SDK1: variants seen among roughly 807,000 people sequenced by gnomAD.
SDK1 encodes the protein sidekick cell adhesion molecule 1, also known as protein sidekick-1.
In SDK1, 157 loss-of-function variants were observed where a neutral mutation model predicts 245.5. That is an observed-to-expected ratio of 0.64 (90% CI 0.56 to 0.73). SDK1 has a LOEUF of 0.73. Ranked by LOEUF, SDK1 falls within the 30% of genes least tolerant of loss-of-function variation. The probability of loss-of-function intolerance (pLI) is 0.00; values close to 1 mark genes in which losing one functional copy is unlikely to be tolerated. For missense variants in SDK1, 3,583 were observed against 3,002.3 expected, an observed-to-expected ratio of 1.19 and a Z score of -4.52; for synonymous variants, 1,647 against 1,278.5, an observed-to-expected ratio of 1.29 and a Z score of -6.15.
At chr7:3,900,071 G>C (rs1334288434) in intron 5 of SDK1, among the ~76,000 whole-genome samples, 1 of 152,220 alleles carries the variant, frequency 6.6e-6, no homozygotes, top group Non-Finnish European at 1.5e-5. Flanking sequence ...ACATTTTAAA[G>C]AGAAAGCAGT....
chr7:3,602,942 C>A (rs888226030), intron 1 of SDK1, among the ~76,000 whole-genome samples: 32 of 152,126 alleles, frequency 2.1e-4, no homozygotes, highest in Non-Finnish European at 3.4e-4. Context: ...GGAATCCTTT[C>A]CCCATTGCTT....
Position 3,950,978 on chromosome 7 carries a change from C to T in SDK1, c.903C>T (p.Asn301=), listed in dbSNP as rs1035542917. 2.5e-6 allele frequency: 4 copies of T among 1,613,914 alleles called. No homozygotes were observed. In the African/African-American group the frequency reaches 4.0e-5, roughly 16 times the overall value. The change falls in exon 6 of 45, where the codon AAC becomes AAT. Residue 301 remains asparagine, a synonymous_variant. Coordinates refer to ENST00000404826, the MANE Select transcript of SDK1 (RefSeq NM_152744.4). ...CAACCATTGTGGTTCCCCCGGGCAA[C>T]AGAAGTGTGGTGGCTGGATCCAGTG... ...MAPTIVVPPG[N]RSVVAGSSET...
At chr7:3,972,413 T>C (rs1257580295) in intron 12 of SDK1, among the ~76,000 whole-genome samples, 1 of 152,116 alleles carries the variant, frequency 6.6e-6, no homozygotes, top group Non-Finnish European at 1.5e-5. Context: ...CATCCTGTCT[T>C]TGTTTAAATT....
intron 5 of SDK1, among the ~76,000 whole-genome samples, chr7:3,838,818 A>G (rs1780088623): frequency 2.7e-5 from 4 of 150,128 alleles, no homozygotes; most frequent in African/African-American, 1.0e-4. Context: ...TCTTTCTTAT[A>G]GTAGAGAAAT....
chr7:3,961,183 A>T lies in SDK1; in HGVS notation c.1235-1474A>T, dbSNP rs1781652470. Among the ~76,000 whole-genome samples, 3 of 152,210 alleles carry T rather than the reference A, an allele frequency of 2.0e-5. No individual in the cohort carries two copies. The South Asian group carries it at 6.2e-4, about 32-fold the overall frequency. ...TGCTTTCTTTTCATTTTGACAGTGA[A>T]ACTATAGCAGCATGCGAAGTGGTTA... On this transcript the variant is annotated intron_variant, in intron 8 of 44. Transcript: ENST00000404826.
chr7:3,696,529 A>G (rs1180211976), intron 4 of SDK1, among the ~76,000 whole-genome samples: 1 of 151,312 alleles, frequency 6.6e-6, no homozygotes, highest in Non-Finnish European at 1.5e-5. Context: ...TGTAATATGT[A>G]GTCCAACTTT....
chr7:3,650,856 C>A (rs1180908614), intron 4 of SDK1, among the ~76,000 whole-genome samples: 4 of 148,380 alleles, frequency 2.7e-5, no homozygotes, highest in Middle Eastern at 6.8e-3. Context: ...TAGTATAATT[C>A]CCTGATTCAT....
At chr7:3,642,133 A>G (rs1377366600) in intron 4 of SDK1, 28 bp downstream of exon 4, 7 of 1,609,092 alleles carry the variant, frequency 4.4e-6, no homozygotes, top group Non-Finnish European at 4.3e-6. Context: ...TTAAAGCTTC[A>G]AATACAATTG....
intron 40 of SDK1, among the ~76,000 whole-genome samples, chr7:4,232,722 C>CA (rs1207159688): frequency 6.6e-6 from 1 of 151,854 alleles, no homozygotes; most frequent in Non-Finnish European, 1.5e-5. Flanking sequence ...CGCAGCCTCT[C>CA]AAAGTACTGG....
At chr7:3,609,653 G>A (rs1348859417) in intron 1 of SDK1, among the ~76,000 whole-genome samples, 2 of 152,040 alleles carry the variant, frequency 1.3e-5, no homozygotes, top group Non-Finnish European at 1.5e-5. Flanking sequence ...GTCCACCTCA[G>A]CCTCCCAAAG....
intron 1 of SDK1, among the ~76,000 whole-genome samples, chr7:3,434,768 G>C (rs1779970734): frequency 6.6e-6 from 1 of 152,132 alleles, no homozygotes; most frequent in African/African-American, 2.4e-5. Context: ...TTGGGGTTCA[G>C]AGTTGGAACC....
At chr7:3,554,960 CAT>C (rs1393370616) in intron 1 of SDK1, among the ~76,000 whole-genome samples, 2 of 152,154 alleles carry the variant, frequency 1.3e-5, no homozygotes, top group African/African-American at 4.8e-5. Context: ...AAAGATATTA[CAT>C]GTTTGTAGAT....
chr7:4,174,185 C>A (rs767881736), intron 32 of SDK1, 37 bp from the exon 33 acceptor site: 1 of 1,611,768 alleles, frequency 6.2e-7, no homozygotes, highest in Admixed American at 1.7e-5. Context: ...TGGGTTGACT[C>A]CCATGGTGTG....
chr7:3,492,682 G>A (rs1215581452), intron 1 of SDK1, among the ~76,000 whole-genome samples: 1 of 152,148 alleles, frequency 6.6e-6, no homozygotes, highest in African/African-American at 2.4e-5. Flanking sequence ...TTGCTTCCTG[G>A]TTGACTGATG....
chr7:3,808,506 A>C (rs550998679), intron 4 of SDK1, among the ~76,000 whole-genome samples: 2 of 152,314 alleles, frequency 1.3e-5, no homozygotes, highest in South Asian at 2.1e-4. Context: ...ACAGGTGTAA[A>C]TAATGCAAGG....
chr7:3,482,699 G>A (rs929113234), intron 1 of SDK1, among the ~76,000 whole-genome samples: 1 of 152,192 alleles, frequency 6.6e-6, no homozygotes, highest in East Asian at 1.9e-4. Flanking sequence ...TCAAGTAGTT[G>A]TGTACCCAGG....
intron 4 of SDK1, among the ~76,000 whole-genome samples, chr7:3,673,806 C>A (rs1239134722): frequency 6.6e-6 from 1 of 152,168 alleles, no homozygotes. Context: ...GGAAGACATA[C>A]ACATTGGTTT....
At chr7:3,557,484 T>A (rs1322044705) in intron 1 of SDK1, among the ~76,000 whole-genome samples, 1 of 152,154 alleles carries the variant, frequency 6.6e-6, no homozygotes. Context: ...CTGATGGCAA[T>A]AGAAATGTTC....
chr7:3,808,463 T>C (rs1043396358), intron 4 of SDK1, among the ~76,000 whole-genome samples: 6 of 152,200 alleles, frequency 3.9e-5, no homozygotes, highest in Non-Finnish European at 7.3e-5. Flanking sequence ...TCAGTGGGAT[T>C]TGCTTACTGG....
Sources: gnomAD v4.1 joint callset for allele counts (sites outside exome capture counted in the v4.1 genomes callset) on GRCh38, gnomAD v4.1.1 for gene constraint, MANE v1.5 for transcripts, NCBI Gene and HGNC (gene_info 2026-07-23, HGNC 2026-07-21) for gene names.